The following SRGAP1 variants were observed in gnomAD, a reference collection of about 807,000 sequenced individuals.
SRGAP1 encodes the protein SLIT-ROBO Rho GTPase-activating protein 1.
In SRGAP1, 43 loss-of-function variants were observed where a neutral mutation model predicts 121.9. The observed-to-expected ratio is 0.35, with a 90% CI of 0.28 to 0.46. The LOEUF is 0.46. Among genes scored for constraint, SRGAP1 ranks in the 20% least tolerant of loss-of-function variants. The probability of loss-of-function intolerance (pLI) is 1.00; values close to 1 mark genes in which losing one functional copy is unlikely to be tolerated. For missense variants in SRGAP1, 1,102 were observed against 1,350.9 expected, an observed-to-expected ratio of 0.82 and a Z score of 2.89; for synonymous variants, 447 against 485.4, an observed-to-expected ratio of 0.92 and a Z score of 1.04.
intron 1 of SRGAP1, among the ~76,000 whole-genome samples, chr12:63,903,865 C>T (rs560103674): frequency 6.6e-6 from 1 of 151,990 alleles, no homozygotes; most frequent in East Asian, 1.9e-4. Context: ...GAACTCCTGA[C>T]CTCGTGATCT....
intron 4 of SRGAP1, among the ~76,000 whole-genome samples, chr12:64,018,598 CTA>C (rs1000906078): frequency 1.3e-5 from 2 of 152,016 alleles, no homozygotes; most frequent in Non-Finnish European, 2.9e-5. Context: ...TAGTTTTTTA[CTA>C]TGTGTGTGAT....
intron 1 of SRGAP1, among the ~76,000 whole-genome samples, chr12:63,897,101 C>G (rs567868695): frequency 6.6e-6 from 1 of 152,138 alleles, no homozygotes; most frequent in Non-Finnish European, 1.5e-5. Context: ...TAAATTGAAT[C>G]TTAGTTGACA....
At chr12:64,094,362 AT>A (rs1303091610) in intron 12 of SRGAP1, among the ~76,000 whole-genome samples, 1 of 152,142 alleles carries the variant, frequency 6.6e-6, no homozygotes, top group South Asian at 2.1e-4. Flanking sequence ...CAGTTGTGCC[AT>A]TTTTTTCTTA....
chr12:63,920,042 G>C (rs1037031933), intron 1 of SRGAP1, among the ~76,000 whole-genome samples: 2 of 152,124 alleles, frequency 1.3e-5, no homozygotes, highest in African/African-American at 4.8e-5. Context: ...ATGGTTATTG[G>C]GTATGTCAGT....
chr12:63,956,222 C>A (rs1412614068), intron 1 of SRGAP1, among the ~76,000 whole-genome samples: 2 of 152,042 alleles, frequency 1.3e-5, no homozygotes, highest in Admixed American at 1.3e-4. Flanking sequence ...TCTTTAACTT[C>A]TGGGATCAGC....
chr12:64,086,601 C>G (rs901664118), intron 10 of SRGAP1, among the ~76,000 whole-genome samples: 1 of 151,938 alleles, frequency 6.6e-6, no homozygotes. Flanking sequence ...CCATCCTTCT[C>G]GCTAACAAGT....
At chr12:63,873,357 C>T (rs1236324518) in intron 1 of SRGAP1, among the ~76,000 whole-genome samples, 3 of 151,784 alleles carry the variant, frequency 2.0e-5, no homozygotes, top group Non-Finnish European at 4.4e-5. Flanking sequence ...ATGGTGAAAT[C>T]TCGTGTCTAC....
chr12:64,034,621 A>G (rs1049381412), intron 4 of SRGAP1, among the ~76,000 whole-genome samples: 1 of 152,168 alleles, frequency 6.6e-6, no homozygotes, highest in Non-Finnish European at 1.5e-5. Flanking sequence ...GTGCACTTAT[A>G]TGTCAGCCTC....
At chr12:63,906,979 A>G (rs1019665203) in intron 1 of SRGAP1, among the ~76,000 whole-genome samples, 2 of 151,596 alleles carry the variant, frequency 1.3e-5, no homozygotes, top group African/African-American at 4.9e-5. Context: ...CTGCCAAACT[A>G]TTTTCCAAAA....
At chr12:64,010,394 G>A (rs541173099) in intron 3 of SRGAP1, among the ~76,000 whole-genome samples, 1 of 152,084 alleles carries the variant, frequency 6.6e-6, no homozygotes, top group Non-Finnish European at 1.5e-5. Flanking sequence ...TCCTTTCTGG[G>A]AGGTTCTGGG....
rs750351170 is a variant in SRGAP1, at chr12:64,150,934, CAAAAAAAAAAAA to C, written c.*8277_*8288del. 4.0e-5 allele frequency: 1 copy of C among 24,706 alleles called. No homozygotes were observed. The highest frequency in any genetic ancestry group is 1.0e-4 in the Non-Finnish European group (1 of 9,650). 1.5% of individuals were successfully genotyped at this position (24,706 alleles called of 1,614,324 possible). On this transcript the variant is annotated 3_prime_UTR_variant, in exon 22 of 22. Transcript: ENST00000355086. ...TGGGTGGAAGAGTGAGAAGCTATCT[CAAAAAAAAAAAA>C]AAAAAAAAAAAAAACATGGTCAAGA...
At chr12:63,906,091 T>G (rs2030192016) in intron 1 of SRGAP1, among the ~76,000 whole-genome samples, 1 of 152,168 alleles carries the variant, frequency 6.6e-6, no homozygotes, top group Non-Finnish European at 1.5e-5. Context: ...ACTGCCTGTC[T>G]CTATAAATTT....
chr12:63,977,198 G>A (rs1356078190), intron 1 of SRGAP1, among the ~76,000 whole-genome samples: 5 of 152,130 alleles, frequency 3.3e-5, no homozygotes, highest in African/African-American at 7.2e-5. Flanking sequence ...AATAGAGCCC[G>A]TTGGCATCTC....
At chr12:63,906,354 G>A (rs547089443) in intron 1 of SRGAP1, among the ~76,000 whole-genome samples, 15 of 151,790 alleles carry the variant, frequency 9.9e-5, no homozygotes, top group Admixed American at 5.9e-4. Flanking sequence ...TGGCTTTGTC[G>A]CCAAGGCTGG....
chr12:63,951,010 T>TG (rs397976270), intron 1 of SRGAP1, among the ~76,000 whole-genome samples: 1 of 151,582 alleles, frequency 6.6e-6, no homozygotes, highest in African/African-American at 2.4e-5. Flanking sequence ...TTTTTTTTTT[T>TG]GGTAATTATG....
chr12:64,074,324 T>C (rs2136554802), intron 8 of SRGAP1, among the ~76,000 whole-genome samples: 2 of 152,360 alleles, frequency 1.3e-5, no homozygotes, highest in Middle Eastern at 6.8e-3. Flanking sequence ...AAATCTAAAC[T>C]GTCCCTTGTA....
At chr12:64,079,350 C>T (rs1252306879) in intron 9 of SRGAP1, among the ~76,000 whole-genome samples, 1 of 152,004 alleles carries the variant, frequency 6.6e-6, no homozygotes, top group Non-Finnish European at 1.5e-5. Context: ...GTACTTTTAG[C>T]TGGGCACAGG....
intron 21 of SRGAP1, among the ~76,000 whole-genome samples, chr12:64,134,403 A>C (rs2036829244): frequency 6.6e-6 from 1 of 150,776 alleles, no homozygotes; most frequent in Non-Finnish European, 1.5e-5. Context: ...CCTGAGCGAC[A>C]CAGCAAGACT....
In SRGAP1 at chr12:64,154,642, A is replaced by G. The variant is rs1209191727; in HGVS notation, c.*11970A>G. 1 of 152,246 alleles carries G rather than the reference A, an allele frequency of 6.6e-6. No individual in the cohort carries two copies. Among genetic ancestry groups the G allele is most frequent in the Non-Finnish European group, 1.5e-5 (1 of 68,054 alleles). 9.4% of individuals were successfully genotyped at this position (152,246 alleles called of 1,614,324 possible). ...AGGAAGAAGTTGGCCAGGATGTACA[A>G]CCAAGTATTCACGTTTGAATTTATT... On this transcript the variant is annotated 3_prime_UTR_variant, in exon 22 of 22. Transcript: ENST00000355086.
Sources: gnomAD v4.1 joint callset for allele counts (sites outside exome capture counted in the v4.1 genomes callset) on GRCh38, gnomAD v4.1.1 for gene constraint, MANE v1.5 for transcripts, NCBI Gene and HGNC (gene_info 2026-07-23, HGNC 2026-07-21) for gene names.